Variants in TBC1D14 observed in about 807,000 individuals in gnomAD.
TBC1D14 encodes the protein TBC1 domain family, member 14.
A neutral mutation model predicts 79.0 loss-of-function variants in TBC1D14; 26 were observed. The ratio of observed to expected loss-of-function variants is 0.33; its 90% CI spans 0.24 to 0.46. The LOEUF (loss-of-function observed/expected upper bound fraction) is 0.46, where lower values mean the gene tolerates loss of function less well. TBC1D14 is among the 20% of genes least tolerant of loss of function. The pLI is 1.00. For missense variants in TBC1D14, 769 were observed against 887.6 expected, an observed-to-expected ratio of 0.87 and a Z score of 1.70; for synonymous variants, 394 against 349.9, an observed-to-expected ratio of 1.13 and a Z score of -1.40.
At chr4:7,005,988 T>C (rs1351662082) in intron 8 of TBC1D14, among the ~76,000 whole-genome samples, 1 of 152,222 alleles carries the variant, frequency 6.6e-6, no homozygotes, top group Non-Finnish European at 1.5e-5. Context: ...TTTACAGTCT[T>C]TGTGGTATTA....
chr4:7,005,091 A>G (rs1720046543), intron 8 of TBC1D14, among the ~76,000 whole-genome samples, 167 bp downstream of exon 8: 2 of 152,176 alleles, frequency 1.3e-5, no homozygotes, highest in Non-Finnish European at 2.9e-5. Context: ...AGCAAAAATT[A>G]AAGGTAAAAA....
intron 2 of TBC1D14, among the ~76,000 whole-genome samples, chr4:6,927,913 A>T (rs1280993679): frequency 6.6e-6 from 1 of 152,254 alleles, no homozygotes; most frequent in East Asian, 1.9e-4. Flanking sequence ...TTAAGGGATC[A>T]TATGAGCCCA....
intron 3 of TBC1D14, among the ~76,000 whole-genome samples, chr4:6,977,617 A>G (rs1333218033): frequency 3.8e-5 from 5 of 131,280 alleles, no homozygotes; most frequent in South Asian, 2.5e-4. Flanking sequence ...CTGCCTGGCT[A>G]CCCAGTCTGG....
At chr4:7,010,554 C>A in intron 10 of TBC1D14, 99 bp from the exon 11 acceptor site, 1 of 1,449,806 alleles carries the variant, frequency 6.9e-7, no homozygotes, top group Non-Finnish European at 9.3e-7. Flanking sequence ...AGGGACACTT[C>A]TAGTGTGAGG....
upstream of TBC1D14, chr4:6,909,515 C>T (rs1425415848): frequency 1.3e-5 from 2 of 152,204 alleles, no homozygotes; most frequent in African/African-American, 4.8e-5. Flanking sequence ...GGTAAGGGGC[C>T]CCCTGTCGGA....
chr4:6,991,858 A>AGG (rs1234290787), intron 3 of TBC1D14, among the ~76,000 whole-genome samples: 1 of 152,228 alleles, frequency 6.6e-6, no homozygotes, highest in Non-Finnish European at 1.5e-5. Context: ...TGTTGGTAAT[A>AGG]GTAAGAAGCT....
chr4:6,992,283 C>T (rs367621674), intron 3 of TBC1D14, among the ~76,000 whole-genome samples: 86 of 152,344 alleles, frequency 5.6e-4, no homozygotes, highest in African/African-American at 2.0e-3. Context: ...ACACCTAAGC[C>T]GTGTAGGACT....
chr4:6,957,996 T>C (rs1380433777), intron 2 of TBC1D14, among the ~76,000 whole-genome samples: 1 of 151,740 alleles, frequency 6.6e-6, no homozygotes, highest in Non-Finnish European at 1.5e-5. Flanking sequence ...TGGGATATCC[T>C]AACCCTCTTG....
intron 2 of TBC1D14, among the ~76,000 whole-genome samples, chr4:6,938,247 T>C (rs1712539161): frequency 6.6e-6 from 1 of 152,174 alleles, no homozygotes; most frequent in Non-Finnish European, 1.5e-5. Context: ...CAGATCCCTC[T>C]TCTGGGGGCT....
chr4:6,916,126 C>G (rs556835462), intron 1 of TBC1D14, among the ~76,000 whole-genome samples: 274 of 24,286 alleles, frequency 0.011, 1 homozygote, highest in African/African-American at 0.044. Context: ...AGCTCCATCT[C>G]AGGAAAAAAA....
intron 4 of TBC1D14, chr4:6,995,648 G>A (rs1474203919): frequency 6.6e-6 from 1 of 151,788 alleles, no homozygotes; most frequent in African/African-American, 2.4e-5. Flanking sequence ...GAGTAGCTGG[G>A]ACTACAGGCA....
At chr4:6,935,120 A>G (rs975578087) in intron 2 of TBC1D14, among the ~76,000 whole-genome samples, 3 of 152,096 alleles carry the variant, frequency 2.0e-5, no homozygotes, top group African/African-American at 7.2e-5. Flanking sequence ...AGTCCCAAAG[A>G]GACTGGGAGA....
chr4:7,027,896 CCACAATCACACACATA>C (rs1331353322), intron 13 of TBC1D14, among the ~76,000 whole-genome samples: 16 of 148,838 alleles, frequency 1.1e-4, no homozygotes, highest in Non-Finnish European at 2.4e-4. Context: ...ACCCAGTCAC[CCACAATCACACACATA>C]CACAATCACC....
intron 3 of TBC1D14, among the ~76,000 whole-genome samples, chr4:6,984,273 A>G (rs528034738): frequency 2.0e-5 from 3 of 152,220 alleles, no homozygotes; most frequent in East Asian, 3.9e-4. Context: ...CACATTGCCT[A>G]TGCTCGTGAG....
chr4:6,964,575 T>C (rs10937774), intron 2 of TBC1D14, among the ~76,000 whole-genome samples: 113,057 of 152,180 alleles, frequency 0.74, 42,543 homozygotes, highest in East Asian at 0.97. Flanking sequence ...AAATCTTAGA[T>C]GTTAAACGGA....
intron 2 of TBC1D14, among the ~76,000 whole-genome samples, chr4:6,936,064 T>G (rs1206541841): frequency 1.3e-5 from 2 of 152,344 alleles, no homozygotes; most frequent in East Asian, 3.9e-4. Context: ...TATCTCCTTT[T>G]TACCCTCATG....
rs958259136 is a variant in TBC1D14 at position 6,988,996 on chromosome 4, T to G, written c.844-5188T>G. ...GGCTCAAGTGATCCTTGTCTCAGCC[T>G]CTTGAGTAGTTGGGACCACAGGCAC... On this transcript the variant is annotated intron_variant, in intron 3 of 13. Coordinates refer to ENST00000409757, the MANE Select transcript of TBC1D14 (RefSeq NM_020773.3). 2.7e-5 allele frequency among the ~76,000 whole-genome samples: 4 copies of G among 147,896 alleles called. No homozygotes were observed. The South Asian group carries it at 6.7e-4, about 25-fold the overall frequency.
intron 2 of TBC1D14, among the ~76,000 whole-genome samples, chr4:6,932,625 C>T (rs991906829): frequency 6.6e-6 from 1 of 152,138 alleles, no homozygotes; most frequent in African/African-American, 2.4e-5. Context: ...GAATTTTTGT[C>T]TTTTCGAGAT....
chr4:6,923,280 T>G, intron 1 of TBC1D14, 93 bp from the exon 2 acceptor site: 1 of 1,394,674 alleles, frequency 7.2e-7, no homozygotes, highest in Non-Finnish European at 9.7e-7. Context: ...CTTTCTCCCT[T>G]AAGTGAGATC....
Sources: allele counts gnomAD v4.1 joint callset (sites outside exome capture counted in the v4.1 genomes callset), GRCh38; gene constraint gnomAD v4.1.1; transcripts MANE v1.5; gene names NCBI Gene and HGNC (gene_info 2026-07-23, HGNC 2026-07-21).